Variants in CD300E observed in about 807,000 individuals in gnomAD.
CD300E encodes the protein CD300e molecule, also known as CMRF35-like molecule 2.
Under a neutral mutation model 20.9 loss-of-function variants are expected in CD300E, and 14 were observed. The observed-to-expected ratio is 0.67, with a 90% CI of 0.44 to 1.05. CD300E has a LOEUF of 1.05. CD300E is among the 50% of genes least tolerant of loss of function. The pLI, the probability that CD300E is intolerant of heterozygous loss-of-function variation, is 0.00. For synonymous variants in CD300E, 102 were observed against 103.7 expected (o/e 0.98, Z 0.10); for missense variants, 237 against 253.9 (o/e 0.93, Z 0.45).
chr17:74,620,300 C>A (rs531788839), intron 1 of CD300E, among the ~76,000 whole-genome samples: 1 of 152,050 alleles, frequency 6.6e-6, no homozygotes, highest in East Asian at 1.9e-4. Flanking sequence ...GGTGAAACCC[C>A]GTCTATATTA....
At chr17:74,612,855 G>A (rs1211314023) in intron 3 of CD300E, 82 bp from the exon 4 acceptor site, 1 of 1,553,212 alleles carries the variant, frequency 6.4e-7, no homozygotes, top group Non-Finnish European at 8.7e-7. Context: ...CCCATGCTCT[G>A]ACTCTGGAGC....
rs2030804959 is a variant in CD300E at position 74,612,471 on chromosome 17, C to G, written c.*182G>C. The G allele has an allele frequency of 2.5e-5, 17 of 692,224 alleles. No individual in the cohort carries two copies. In the South Asian group the frequency reaches 3.2e-4, roughly 13 times the overall value. 42.9% of individuals were successfully genotyped at this position (692,224 alleles called of 1,614,324 possible). On this transcript the variant is annotated 3_prime_UTR_variant, in exon 4 of 4. Coordinates refer to ENST00000392619, the MANE Select transcript of CD300E (RefSeq NM_181449.3). ...GACTGGGGAGGAGAAAGGAGGACCCCCAAGCTGCACATTGAGGACTCCAGA... is the reference window on the plus strand; with the variant it reads ...GACTGGGGAGGAGAAAGGAGGACCCGCAAGCTGCACATTGAGGACTCCAGA...
intron 3 of CD300E, among the ~76,000 whole-genome samples, chr17:74,613,037 C>G (rs890222435): frequency 6.6e-6 from 1 of 152,166 alleles, no homozygotes; most frequent in South Asian, 2.1e-4. Flanking sequence ...TCCACAGCAC[C>G]CTCTCTGTCC....
In CD300E at chr17:74,617,111, C is replaced by G; in HGVS notation, c.388+7G>C. 6.2e-7 allele frequency: 1 copy of G among 1,612,712 alleles called. No individual in the cohort carries two copies. Among genetic ancestry groups the G allele is most frequent in the South Asian group, 1.1e-5 (1 of 91,070 alleles). On this transcript the variant is annotated splice_region_variant and intron_variant, in intron 2 of 3. Transcript: ENST00000392619. ...AACCCTGCTGCCAAAGTGAGGGGAG[C>G]TCTTACCTGGGGAAACATACACCCT...
In CD300E at chr17:74,612,531, G is replaced by A. The variant is rs1416707092; in HGVS notation, c.*122C>T. ...TCTAAGAGCCAGGACCCTCCTTTGA[G>A]GCACAGGAACAATAAATCCCTCCAG... On this transcript the variant is annotated 3_prime_UTR_variant, in exon 4 of 4. Coordinates refer to ENST00000392619, the MANE Select transcript of CD300E (RefSeq NM_181449.3). The A allele has an allele frequency of 6.6e-6, 9 of 1,366,910 alleles. No homozygotes were observed. The highest frequency in any genetic ancestry group is 1.4e-5 in the African/African-American group (1 of 69,156). The allele number at this position is 1,366,910 out of a possible 1,614,324, so 84.7% of individuals were successfully genotyped here. A position where few individuals can be genotyped will look rare whatever the true frequency, so the allele number is the denominator to read the frequency against.
At chr17:74,622,385 G>T (rs192233847) in intron 1 of CD300E, among the ~76,000 whole-genome samples, 103 of 152,136 alleles carry the variant, frequency 6.8e-4, no homozygotes, top group Non-Finnish European at 7.2e-4. Context: ...AAGAGAGGAG[G>T]ATTGCTTGAG....
chr17:74,620,595 A>G (rs1219728166), intron 1 of CD300E, among the ~76,000 whole-genome samples: 1 of 152,012 alleles, frequency 6.6e-6, no homozygotes, highest in Non-Finnish European at 1.5e-5. Flanking sequence ...GTGAGCCAAG[A>G]TCGTGCCATT....
intron 1 of CD300E, among the ~76,000 whole-genome samples, chr17:74,618,003 C>T (rs1433895934): frequency 6.6e-6 from 1 of 152,206 alleles, no homozygotes; most frequent in African/African-American, 2.4e-5. Flanking sequence ...CCCTGATAAG[C>T]TTCTTTACCT....
At position 74,612,502 on chromosome 17, in the gene CD300E, G is replaced by A. The variant is rs1030957586; in HGVS notation, c.*151C>T. The A allele has an allele frequency of 2.8e-6, 3 of 1,063,618 alleles. No homozygotes were observed. Among genetic ancestry groups the A allele is most frequent in the East Asian group, 2.5e-5 (1 of 40,318 alleles). 65.9% of individuals were successfully genotyped at this position (1,063,618 alleles called of 1,614,324 possible). ...TGCACATTGAGGACTCCAGAGGAGT[G>A]TCCTCTAAGAGCCAGGACCCTCCTT... is the stretch of plus-strand genomic sequence containing the variant. On this transcript the variant is annotated 3_prime_UTR_variant, in exon 4 of 4. Coordinates refer to ENST00000392619, the MANE Select transcript of CD300E (RefSeq NM_181449.3).
rs998647669 is a variant in CD300E at position 74,611,242 on chromosome 17, T to A, written c.*1411A>T. ...AGCCCCATCTTTCCCCTAGTCACCA[T>A]GCATGATGGAGCTGGGAGCCCCACC... On this transcript the variant is annotated 3_prime_UTR_variant, in exon 4 of 4. Coordinates refer to ENST00000392619, the MANE Select transcript of CD300E (RefSeq NM_181449.3). 6 of 152,294 alleles carry A rather than the reference T, an allele frequency of 3.9e-5. No individual in the cohort carries two copies. Among genetic ancestry groups the A allele is most frequent in the African/African-American group, 1.2e-4 (5 of 41,482 alleles). 9.4% of individuals were successfully genotyped at this position (152,294 alleles called of 1,614,324 possible).
rs559929004 is a variant in CD300E at position 74,614,541 on chromosome 17, G to A, written c.389-508C>T. Among the ~76,000 whole-genome samples, 174 of 149,492 alleles carry A rather than the reference G, an allele frequency of 1.2e-3. 1 individual carries two copies. The highest frequency in any genetic ancestry group is 4.1e-3 in the African/African-American group (165 of 40,594). On this transcript the variant is annotated intron_variant, in intron 2 of 3. Coordinates refer to ENST00000392619, the MANE Select transcript of CD300E (RefSeq NM_181449.3). The stretch of plus-strand genomic sequence containing the variant: ...TTGCCCAGGTTGGTTGGAGTGCAAT[G>A]GCACAATCTCAGCTCACCACAACCT...
intron 1 of CD300E, among the ~76,000 whole-genome samples, chr17:74,618,815 C>A (rs1303749173): frequency 1.3e-5 from 2 of 152,172 alleles, no homozygotes; most frequent in South Asian, 2.1e-4. Flanking sequence ...GTCACCCCCA[C>A]CCTGACCCCT....
Position 74,613,923 on chromosome 17 carries a change from AC to A in CD300E, c.497+1del. 1 of 1,610,884 alleles carries A rather than the reference AC, an allele frequency of 6.2e-7. No individual in the cohort carries two copies. The highest frequency in any genetic ancestry group is 1.1e-5 in the South Asian group (1 of 90,634). Reference sequence around the variant, plus strand: ...CATGGCCTCCAGGCCCTGCGTGCTTACCCTGAATTTTGGGTCAACACCTCCC... The same window carrying A: ...CATGGCCTCCAGGCCCTGCGTGCTTACCTGAATTTTGGGTCAACACCTCCC... On this transcript the variant is annotated splice_donor_variant, in intron 3 of 3. Transcript: ENST00000392619. LOFTEE classifies it high-confidence loss of function.
At chr17:74,616,237 T>C (rs999517953) in intron 2 of CD300E, among the ~76,000 whole-genome samples, 2 of 151,940 alleles carry the variant, frequency 1.3e-5, no homozygotes, top group African/African-American at 4.8e-5. Context: ...ATAGGGACAA[T>C]GGCATGAGGA....
At chr17:74,619,192 C>T (rs2030967985) in intron 1 of CD300E, 1 of 468,254 alleles carries the variant, frequency 2.1e-6, no homozygotes, top group Non-Finnish European at 4.4e-6. Context: ...GACTGCATTT[C>T]CCACAGTGGG....
At chr17:74,623,515 G>A in intron 1 of CD300E, 67 bp downstream of exon 1, 2 of 1,527,318 alleles carry the variant, frequency 1.3e-6, no homozygotes, top group Admixed American at 3.5e-5. Context: ...TTGAACCCAG[G>A]ACAGCTCTTC....
In CD300E at chr17:74,620,593, A is replaced by G. The variant is rs976605990; in HGVS notation, c.40+2989T>C. ...GGGAGGCAGAGGTTTCAGTGAGCCA[A>G]GATCGTGCCATTGCACTCCAGCCTG... On this transcript the variant is annotated intron_variant, in intron 1 of 3. Transcript: ENST00000392619. Among the ~76,000 whole-genome samples, 2 of 152,252 alleles carry G rather than the reference A, an allele frequency of 1.3e-5. 1 individual carries two copies. The highest frequency in any genetic ancestry group is 6.8e-3 in the Middle Eastern group (2 of 294).
intron 1 of CD300E, among the ~76,000 whole-genome samples, chr17:74,621,203 T>C (rs1362114743): frequency 6.6e-6 from 1 of 152,218 alleles, no homozygotes; most frequent in African/African-American, 2.4e-5. Flanking sequence ...ATGCAAAGTA[T>C]TGGCAGATGA....
Position 74,610,115 on chromosome 17 carries a change from C to T in CD300E, c.*2538G>A, listed in dbSNP as rs1319596355. 1 of 152,274 alleles carries T rather than the reference C, an allele frequency of 6.6e-6. No homozygotes were observed. Among genetic ancestry groups the T allele is most frequent in the Non-Finnish European group, 1.5e-5 (1 of 68,062 alleles). The allele number at this position is 152,274 out of a possible 1,614,324, so 9.4% of individuals were successfully genotyped here. Reference sequence around the variant, plus strand: ...CTGCTCTTCTGAACTTCATTAGTGACCTTGTGAATGATAAGTTCAATAGCC... The same window carrying T: ...CTGCTCTTCTGAACTTCATTAGTGATCTTGTGAATGATAAGTTCAATAGCC... On this transcript the variant is annotated 3_prime_UTR_variant, in exon 4 of 4. Coordinates refer to ENST00000392619, the MANE Select transcript of CD300E (RefSeq NM_181449.3).
Sources: gnomAD v4.1 joint callset for allele counts (sites outside exome capture counted in the v4.1 genomes callset) on GRCh38, gnomAD v4.1.1 for gene constraint, MANE v1.5 for transcripts, NCBI Gene and HGNC (gene_info 2026-07-23, HGNC 2026-07-21) for gene names.